SLC5A4: variants seen among roughly 807,000 people sequenced by gnomAD.
SLC5A4 encodes probable glucose sensor protein SLC5A4.
In SLC5A4, 55 loss-of-function variants were observed where a neutral mutation model predicts 70.3. The ratio of observed to expected loss-of-function variants is 0.78; its 90% CI spans 0.63 to 0.98. The LOEUF (loss-of-function observed/expected upper bound fraction) is 0.98. SLC5A4 is among the 50% of genes least tolerant of loss of function. The pLI is 0.00. For synonymous variants in SLC5A4, 268 were observed against 305.7 expected (o/e 0.88, Z 1.29); for missense variants, 735 against 839.2 (o/e 0.88, Z 1.53).
the SLC5A4 span, among the ~76,000 whole-genome samples, chr22:32,341,914 TAG>T: frequency 6.6e-6 from 1 of 152,220 alleles, no homozygotes; most frequent in South Asian, 2.1e-4. Flanking sequence ...TGCCTCTCGT[TAG>T]AGAGATCTCC....
chr22:32,335,102 G>GGTAGGT, the SLC5A4 span, among the ~76,000 whole-genome samples: 1 of 152,170 alleles, frequency 6.6e-6, no homozygotes, highest in Non-Finnish European at 1.5e-5. Context: ...GCCAGCCTAG[G>GGTAGGT]GTAGGTGGTC....
chr22:32,322,946 A>C, the SLC5A4 span, among the ~76,000 whole-genome samples: 1 of 152,190 alleles, frequency 6.6e-6, no homozygotes, highest in African/African-American at 2.4e-5. Flanking sequence ...CCTAGAACTT[A>C]TCTTTACCTT....
the SLC5A4 span, among the ~76,000 whole-genome samples, chr22:32,328,119 C>CA: frequency 1.7e-3 from 257 of 151,352 alleles, 1 homozygote; most frequent in Middle Eastern, 6.8e-3. Context: ...CCAGAGCCCC[C>CA]AAAACACACA....
the SLC5A4 span, among the ~76,000 whole-genome samples, chr22:32,313,066 T>C: frequency 6.6e-6 from 1 of 152,134 alleles, no homozygotes; most frequent in East Asian, 1.9e-4. Context: ...AAAAAAAGCA[T>C]AGACTAGGAC....
chr22:32,231,182 C>T (rs1925742255), intron 9 of SLC5A4, 107 bp from the exon 10 acceptor site: 1 of 720,422 alleles, frequency 1.4e-6, no homozygotes, highest in Non-Finnish European at 2.5e-6. Context: ...AAGACATTTG[C>T]CTGGAAACTG....
chr22:32,334,941 G>A, the SLC5A4 span, among the ~76,000 whole-genome samples: 2 of 152,238 alleles, frequency 1.3e-5, no homozygotes, highest in African/African-American at 2.4e-5. Context: ...TGTAGGAGGA[G>A]CTGGGCAGTG....
chr22:32,352,384 T>C, the SLC5A4 span, among the ~76,000 whole-genome samples: 2 of 151,170 alleles, frequency 1.3e-5, no homozygotes, highest in Non-Finnish European at 2.9e-5. Context: ...AACATGCACG[T>C]TGTGCTCATG....
intron 5 of SLC5A4, 85 bp from the exon 6 acceptor site, chr22:32,239,175 C>A: frequency 1.1e-6 from 1 of 928,240 alleles, no homozygotes; most frequent in Admixed American, 2.0e-5. Context: ...CTACTCAACC[C>A]TTCTTTTTCT....
chr22:32,239,536 ATATATATATATATATATATATATATAT>A (rs1569374633), intron 5 of SLC5A4, among the ~76,000 whole-genome samples: 2 of 12,064 alleles, frequency 1.7e-4, no homozygotes, highest in African/African-American at 5.6e-4. Context: ...ATATATATAT[ATATATATATATATATATATATATATAT>A]ATATATTTAT....
intron 8 of SLC5A4, 149 bp downstream of exon 8, chr22:32,234,724 A>G: frequency 1.5e-6 from 1 of 688,636 alleles, no homozygotes. Context: ...AAAAACAAAA[A>G]CAGAGAAGGG....
At chr22:32,283,718 G>GCATT in the SLC5A4 span, among the ~76,000 whole-genome samples, 1 of 152,156 alleles carries the variant, frequency 6.6e-6, no homozygotes, top group South Asian at 2.1e-4. Context: ...CTCTGAGTAT[G>GCATT]CATTACCTTT....
the SLC5A4 span, among the ~76,000 whole-genome samples, chr22:32,338,852 G>A: frequency 6.6e-6 from 1 of 152,162 alleles, no homozygotes. Flanking sequence ...TCTATCCAGA[G>A]GAAATCATTC....
rs548422821 is a variant in SLC5A4 at position 32,222,012 on chromosome 22, C to T, written c.1666-990G>A. 3.3e-5 allele frequency among the ~76,000 whole-genome samples: 5 copies of T among 152,350 alleles called. No individual in the cohort carries two copies. The South Asian group carries it at 8.3e-4, about 25-fold the overall frequency. On this transcript the variant is annotated intron_variant, in intron 13 of 14. Coordinates refer to ENST00000266086, the MANE Select transcript of SLC5A4 (RefSeq NM_014227.3). The stretch of plus-strand genomic sequence containing the variant: ...CCTCAGATGATCCACCCACCTTGGC[C>T]TCCCAAAGTGCTGGGATGACAGGCG...
chr22:32,271,483 A>C, the SLC5A4 span: 2 of 738,838 alleles, frequency 2.7e-6, no homozygotes, highest in South Asian at 2.8e-5. Context: ...CACTTTAAGA[A>C]GGTCCTTCAC....
chr22:32,305,288 G>A, the SLC5A4 span, among the ~76,000 whole-genome samples: 1 of 152,008 alleles, frequency 6.6e-6, no homozygotes, highest in Non-Finnish European at 1.5e-5. Context: ...GTGAAGACAC[G>A]TGTCTGACTG....
At chr22:32,270,492 C>T in the SLC5A4 span, 43 of 771,830 alleles carry the variant, frequency 5.6e-5, no homozygotes, top group Admixed American at 9.5e-5. Context: ...CCAGCACCCC[C>T]GAAGCGGACA....
chr22:32,301,612 A>C, the SLC5A4 span, among the ~76,000 whole-genome samples: 1 of 151,898 alleles, frequency 6.6e-6, no homozygotes, highest in Admixed American at 6.6e-5. Flanking sequence ...CTATAAATTC[A>C]ACAAAGTCCC....
chr22:32,246,176 G>A (rs541529566), intron 5 of SLC5A4, among the ~76,000 whole-genome samples: 1 of 152,326 alleles, frequency 6.6e-6, no homozygotes, highest in East Asian at 1.9e-4. Flanking sequence ...TTAGCCAGAT[G>A]GTGAACTCCC....
chr22:32,340,884 G>A, the SLC5A4 span, among the ~76,000 whole-genome samples: 2 of 152,186 alleles, frequency 1.3e-5, no homozygotes, highest in African/African-American at 4.8e-5. Flanking sequence ...CCACTGTCGG[G>A]GACACAGGCT....
Sources: allele counts gnomAD v4.1 joint callset (sites outside exome capture counted in the v4.1 genomes callset), GRCh38; gene constraint gnomAD v4.1.1; transcripts MANE v1.5; gene names NCBI Gene and HGNC (gene_info 2026-07-23, HGNC 2026-07-21).